Variants in AP2B1 observed in about 807,000 individuals in gnomAD.
AP2B1 encodes the protein AP-2 complex subunit beta.
AP2B1 carries 23 observed loss-of-function variants against 102.0 expected under a neutral mutation model. That is an observed-to-expected ratio of 0.23 (90% CI 0.16 to 0.32). The LOEUF (loss-of-function observed/expected upper bound fraction) is 0.32. Among genes scored for constraint, AP2B1 ranks in the 10% least tolerant of loss-of-function variants. The pLI is 1.00. For synonymous variants in AP2B1, 381 were observed against 421.2 expected (o/e 0.90, Z 1.17); for missense variants, 541 against 1,157.4 (o/e 0.47, Z 7.73).
chr17:35,639,282 A>G (rs984678148), intron 10 of AP2B1, among the ~76,000 whole-genome samples: 7 of 152,182 alleles, frequency 4.6e-5, no homozygotes, highest in African/African-American at 1.7e-4. Flanking sequence ...ACAGTGAGCT[A>G]TGATCATGCC....
chr17:35,683,027 GCCACCA>G (rs775090082), intron 18 of AP2B1, among the ~76,000 whole-genome samples: 2 of 152,028 alleles, frequency 1.3e-5, no homozygotes, highest in Non-Finnish European at 2.9e-5. Flanking sequence ...ACAGGCACAA[GCCACCA>G]CGCCTGGCTA....
chr17:35,633,594 T>C (rs552982985), intron 9 of AP2B1, among the ~76,000 whole-genome samples: 6 of 152,210 alleles, frequency 3.9e-5, no homozygotes, highest in South Asian at 2.1e-4. Flanking sequence ...AATACTGATA[T>C]GTTAACTGTT....
At chr17:35,718,856 A>G (rs1185243909) in intron 21 of AP2B1, among the ~76,000 whole-genome samples, 3 of 151,768 alleles carry the variant, frequency 2.0e-5, no homozygotes, top group African/African-American at 7.3e-5. Context: ...AAGGAGCATG[A>G]TTACTCCCAG....
At chr17:35,685,880 A>T (rs1318394799) in intron 18 of AP2B1, among the ~76,000 whole-genome samples, 1 of 151,880 alleles carries the variant, frequency 6.6e-6, no homozygotes, top group African/African-American at 2.4e-5. Flanking sequence ...CTCCAGCCTT[A>T]GCCTCTGAGT....
intron 5 of AP2B1, among the ~76,000 whole-genome samples, chr17:35,610,202 T>C (rs2073816672): frequency 6.6e-6 from 1 of 151,960 alleles, no homozygotes; most frequent in African/African-American, 2.4e-5. Flanking sequence ...TGGAGTGCAG[T>C]GGCATGATCT....
chr17:35,670,457 G>GC (rs201122765), intron 14 of AP2B1, among the ~76,000 whole-genome samples: 1,741 of 151,536 alleles, frequency 0.011, 16 homozygotes, highest in Middle Eastern at 0.037. Context: ...CTTTCCGTCC[G>GC]CCCCCCACTA....
intron 5 of AP2B1, among the ~76,000 whole-genome samples, chr17:35,614,101 C>T (rs9899860): frequency 0.15 from 22,853 of 152,090 alleles, 2,194 homozygotes; most frequent in East Asian, 0.34. Flanking sequence ...ATTCAAACCT[C>T]AGTTAACTTA....
At chr17:35,614,875 T>C (rs916191087) in intron 5 of AP2B1, among the ~76,000 whole-genome samples, 1 of 152,178 alleles carries the variant, frequency 6.6e-6, no homozygotes, top group African/African-American at 2.4e-5. Context: ...GACTATGTGC[T>C]AGCCAGCACG....
intron 17 of AP2B1, among the ~76,000 whole-genome samples, chr17:35,675,816 T>G (rs1397040627): frequency 6.6e-6 from 1 of 151,710 alleles, no homozygotes; most frequent in African/African-American, 2.4e-5. Context: ...ATATACTGTT[T>G]TTCTCTCTAA....
intron 9 of AP2B1, among the ~76,000 whole-genome samples, chr17:35,631,650 CAT>C (rs1468623172): frequency 2.6e-5 from 4 of 151,888 alleles, no homozygotes; most frequent in African/African-American, 9.7e-5. Context: ...GGTTTATAGA[CAT>C]AACGTGATTA....
intron 4 of AP2B1, 150 bp from the exon 5 acceptor site, chr17:35,607,992 G>A: frequency 2.2e-6 from 2 of 912,598 alleles, no homozygotes; most frequent in South Asian, 1.8e-5. Context: ...TTTGTACTTA[G>A]GAAAGGAATA....
chr17:35,668,324 G>A (rs2075513762), intron 14 of AP2B1, among the ~76,000 whole-genome samples: 1 of 152,082 alleles, frequency 6.6e-6, no homozygotes. Flanking sequence ...CTAAATAACT[G>A]ATTCTCTAAC....
intron 13 of AP2B1, among the ~76,000 whole-genome samples, chr17:35,656,125 T>C (rs1335556201): frequency 6.6e-6 from 1 of 152,210 alleles, no homozygotes; most frequent in Non-Finnish European, 1.5e-5. Flanking sequence ...AGTTTATTAC[T>C]TTTTTTCTTT....
intron 17 of AP2B1, among the ~76,000 whole-genome samples, chr17:35,676,418 A>C (rs1184756984): frequency 6.6e-6 from 1 of 152,176 alleles, no homozygotes. Flanking sequence ...TTCTATTAGC[A>C]TAATGCTTTT....
intron 17 of AP2B1, among the ~76,000 whole-genome samples, chr17:35,680,917 A>G (rs1295536518): frequency 6.6e-6 from 1 of 150,612 alleles, no homozygotes; most frequent in Non-Finnish European, 1.5e-5. Context: ...CTGGTCTCGA[A>G]CTCCTGGCCT....
intron 12 of AP2B1, among the ~76,000 whole-genome samples, chr17:35,644,420 C>G (rs1366298505): frequency 1.3e-5 from 2 of 152,180 alleles, no homozygotes; most frequent in Non-Finnish European, 2.9e-5. Flanking sequence ...CTCTGTCACC[C>G]AGGCTGGAGT....
chr17:35,691,620 G>A (rs1260361213), intron 18 of AP2B1, among the ~76,000 whole-genome samples: 1 of 152,214 alleles, frequency 6.6e-6, no homozygotes, highest in Non-Finnish European at 1.5e-5. Flanking sequence ...TAGATAATGA[G>A]TCCTTGAAGT....
At chr17:35,701,008 C>T (rs907872821) in intron 18 of AP2B1, among the ~76,000 whole-genome samples, 1 of 152,232 alleles carries the variant, frequency 6.6e-6, no homozygotes, top group African/African-American at 2.4e-5. Flanking sequence ...TTGGTACCAT[C>T]TGTGATCTGC....
intron 5 of AP2B1, among the ~76,000 whole-genome samples, chr17:35,619,051 T>C (rs562412024): frequency 1.3e-5 from 2 of 152,196 alleles, no homozygotes; most frequent in Non-Finnish European, 2.9e-5. Context: ...TCTTGGAAGC[T>C]CTATAAATGC....
Sources: gnomAD v4.1 joint callset for allele counts (sites outside exome capture counted in the v4.1 genomes callset) on GRCh38, gnomAD v4.1.1 for gene constraint, MANE v1.5 for transcripts, NCBI Gene and HGNC (gene_info 2026-07-23, HGNC 2026-07-21) for gene names.